The following COL5A2 variants were observed in gnomAD, a reference collection of about 807,000 sequenced individuals.
The protein encoded by COL5A2 is collagen alpha-2(V) chain.
In COL5A2, 23 loss-of-function variants were observed where a neutral mutation model predicts 208.2. The ratio of observed to expected loss-of-function variants is 0.11; its 90% CI spans 0.08 to 0.16. The LOEUF (loss-of-function observed/expected upper bound fraction) is 0.16. Among genes scored for constraint, COL5A2 ranks in the 10% least tolerant of loss-of-function variants. The probability of loss-of-function intolerance (pLI) is 1.00; values close to 1 mark genes in which losing one functional copy is unlikely to be tolerated. For missense variants in COL5A2, 1,590 were observed against 1,956.4 expected, an observed-to-expected ratio of 0.81 and a Z score of 3.53; for synonymous variants, 625 against 628.5, an observed-to-expected ratio of 0.99 and a Z score of 0.08.
At chr2:189,226,477 G>A (rs1386772638), upstream of COL5A2, among the ~76,000 whole-genome samples, 1 of 152,112 alleles carries the variant, frequency 6.6e-6, no homozygotes, top group East Asian at 1.9e-4. Flanking sequence ...TCTCACCATA[G>A]TCCTTCTGCC....
chr2:189,139,473 TA>T lies in COL5A2; in HGVS notation c.98-29025del, dbSNP rs1043824259. 2.6e-4 allele frequency among the ~76,000 whole-genome samples: 39 copies of T among 151,824 alleles called. No homozygotes were observed. The Middle Eastern group carries it at 0.017, about 66-fold the overall frequency. ...TACTCCTGAAAAATCGTCAAAATCCTAAAAAACAAGGAATGTCTGGAAACTG... is the reference window on the plus strand; with the variant it reads ...TACTCCTGAAAAATCGTCAAAATCCTAAAAACAAGGAATGTCTGGAAACTG... On this transcript the variant is annotated intron_variant, in intron 1 of 53. Coordinates refer to ENST00000374866, the MANE Select transcript of COL5A2 (RefSeq NM_000393.5).
chr2:189,356,327 A>C, the COL5A2 span, among the ~76,000 whole-genome samples: 2 of 151,190 alleles, frequency 1.3e-5, no homozygotes, highest in Non-Finnish European at 3.0e-5. Flanking sequence ...CAGTCTTGCT[A>C]GGTTGGGGAA....
chr2:189,408,775 C>T, the COL5A2 span, among the ~76,000 whole-genome samples: 3 of 152,090 alleles, frequency 2.0e-5, no homozygotes, highest in Admixed American at 6.5e-5. Flanking sequence ...TTAATATGAA[C>T]ACGATCAATT....
chr2:189,239,736 T>C, the COL5A2 span, among the ~76,000 whole-genome samples: 4 of 151,424 alleles, frequency 2.6e-5, no homozygotes, highest in African/African-American at 9.7e-5. Flanking sequence ...AACCTACACA[T>C]TGTGCACATG....
At chr2:189,156,747 A>G (rs966395039) in intron 1 of COL5A2, among the ~76,000 whole-genome samples, 1 of 152,166 alleles carries the variant, frequency 6.6e-6, no homozygotes, top group Non-Finnish European at 1.5e-5. Context: ...TCTGATAATA[A>G]GTTCCACCAA....
chr2:189,060,486 G>A lies in COL5A2; in HGVS notation c.2085+244C>T, dbSNP rs572060687. The stretch of plus-strand genomic sequence containing the variant: ...TAAAGTGGTTAAGAACACATCTTGG[G>A]AAGCAGATGACCTGGGTTCAAATCT... On this transcript the variant is annotated intron_variant, in intron 31 of 53. Coordinates refer to ENST00000374866, the MANE Select transcript of COL5A2 (RefSeq NM_000393.5). Among the ~76,000 whole-genome samples, 4 of 152,306 alleles carry A rather than the reference G, an allele frequency of 2.6e-5. No homozygotes were observed. The South Asian group carries it at 8.3e-4, about 32-fold the overall frequency.
the COL5A2 span, among the ~76,000 whole-genome samples, chr2:189,270,039 T>A: frequency 6.6e-6 from 1 of 152,198 alleles, no homozygotes; most frequent in South Asian, 2.1e-4. Context: ...TTTATAGTAT[T>A]CTCTGATGGT....
At chr2:189,400,224 CTAAT>C in the COL5A2 span, among the ~76,000 whole-genome samples, 1 of 152,168 alleles carries the variant, frequency 6.6e-6, no homozygotes, top group African/African-American at 2.4e-5. Flanking sequence ...CTTGAATTCT[CTAAT>C]TAGTTTAGAA....
At chr2:189,110,878 T>C (rs1462280072) in intron 1 of COL5A2, among the ~76,000 whole-genome samples, 2 of 152,128 alleles carry the variant, frequency 1.3e-5, no homozygotes, top group African/African-American at 4.8e-5. Flanking sequence ...CTGGAAACTT[T>C]AGTAAATTCC....
chr2:189,230,382 G>C, the COL5A2 span, among the ~76,000 whole-genome samples: 1 of 151,844 alleles, frequency 6.6e-6, no homozygotes, highest in South Asian at 2.1e-4. Flanking sequence ...AGAGTCAAAA[G>C]GCAGCCCACA....
At chr2:189,039,897 C>A (rs1174684860) in intron 50 of COL5A2, among the ~76,000 whole-genome samples, 1 of 152,060 alleles carries the variant, frequency 6.6e-6, no homozygotes, top group Non-Finnish European at 1.5e-5. Context: ...TGTTCATTTG[C>A]AAACTATTTT....
chr2:189,317,389 T>C, the COL5A2 span, among the ~76,000 whole-genome samples: 2 of 152,144 alleles, frequency 1.3e-5, no homozygotes, highest in East Asian at 3.8e-4. Context: ...ATAGAATTTC[T>C]TCTCTGAAAG....
At chr2:189,162,392 T>A (rs1688384518) in intron 1 of COL5A2, among the ~76,000 whole-genome samples, 1 of 152,190 alleles carries the variant, frequency 6.6e-6, no homozygotes, top group African/African-American at 2.4e-5. Context: ...GAAATCTCCA[T>A]CATTTGAGAC....
the COL5A2 span, among the ~76,000 whole-genome samples, chr2:189,286,066 G>A: frequency 6.6e-6 from 1 of 151,182 alleles, no homozygotes; most frequent in Non-Finnish European, 1.5e-5. Flanking sequence ...TGGCCTAAGG[G>A]TACCTCTAGA....
intron 16 of COL5A2, among the ~76,000 whole-genome samples, chr2:189,078,145 C>T (rs1303862480): frequency 6.6e-6 from 1 of 152,058 alleles, no homozygotes; most frequent in African/African-American, 2.4e-5. Context: ...GAATTCTTGG[C>T]ATATAATAAG....
Position 189,063,280 on chromosome 2 carries a change from T to C in COL5A2, c.1771-10A>G. 1 of 1,609,604 alleles carries C rather than the reference T, an allele frequency of 6.2e-7. No individual in the cohort carries two copies. The highest frequency in any genetic ancestry group is 8.5e-7 in the Non-Finnish European group (1 of 1,176,462). On this transcript the variant is annotated splice_polypyrimidine_tract_variant and intron_variant, in intron 26 of 53. Coordinates refer to ENST00000374866, the MANE Select transcript of COL5A2 (RefSeq NM_000393.5). Reference sequence around the variant, plus strand: ...CTTCCCCTGGCGCACCCTATAGAATTGACAGGAGCCATGTAAGTTTCATGT... The same window carrying C: ...CTTCCCCTGGCGCACCCTATAGAATCGACAGGAGCCATGTAAGTTTCATGT...
chr2:189,366,292 T>G, the COL5A2 span, among the ~76,000 whole-genome samples: 1 of 152,178 alleles, frequency 6.6e-6, no homozygotes, highest in South Asian at 2.1e-4. Context: ...GAGATGGAAT[T>G]AATTGCTTCC....
chr2:189,045,570 T>A (rs182659983), intron 46 of COL5A2, among the ~76,000 whole-genome samples: 1 of 152,334 alleles, frequency 6.6e-6, no homozygotes, highest in East Asian at 1.9e-4. Context: ...CTACAGCATT[T>A]TCAGATGATG....
In COL5A2 at chr2:189,051,885, A is replaced by G. The variant is rs13405822; in HGVS notation, c.2769+287T>C. Among the ~76,000 whole-genome samples the G allele has an allele frequency of 4.5e-3, 687 of 152,322 alleles. 5 individuals are homozygous for G. The highest frequency in any genetic ancestry group is 0.015 in the African/African-American group (632 of 41,558). On this transcript the variant is annotated intron_variant, in intron 41 of 53. Transcript: ENST00000374866. The stretch of plus-strand genomic sequence containing the variant: ...AGTTTCATAGTTGCATCTTAACTGA[A>G]GAGAATGATTATTAGCACATAATAC...
Sources: allele counts gnomAD v4.1 joint callset (sites outside exome capture counted in the v4.1 genomes callset), GRCh38; gene constraint gnomAD v4.1.1; transcripts MANE v1.5; gene names NCBI Gene and HGNC (gene_info 2026-07-23, HGNC 2026-07-21).